The following MYO5B variants were observed in gnomAD, a reference collection of about 807,000 sequenced individuals.
MYO5B encodes the protein myosin VB.
In MYO5B, 143 loss-of-function variants were observed where a neutral mutation model predicts 229.3. The ratio of observed to expected loss-of-function variants is 0.62; its 90% CI spans 0.54 to 0.72. The LOEUF is 0.72. Ranked by LOEUF, MYO5B falls within the 30% of genes least tolerant of loss-of-function variation. The pLI is 0.00. For synonymous variants in MYO5B, 918 were observed against 885.2 expected, an observed-to-expected ratio of 1.04 and a Z score of -0.66; for missense variants, 2,321 against 2,331.0, an observed-to-expected ratio of 1.00 and a Z score of 0.09.
At chr18:50,080,457 AT>A (rs1465649819) in intron 1 of MYO5B, among the ~76,000 whole-genome samples, 1 of 152,150 alleles carries the variant, frequency 6.6e-6, no homozygotes, top group Admixed American at 6.5e-5. Flanking sequence ...CTCTTGACAT[AT>A]GTTATTCCAA....
At chr18:49,833,178 A>G (rs750856957) in intron 39 of MYO5B, among the ~76,000 whole-genome samples, 23 of 152,272 alleles carry the variant, frequency 1.5e-4, no homozygotes, top group Admixed American at 7.8e-4. Flanking sequence ...AAAGGCATGT[A>G]TACTTTTAAT....
intron 1 of MYO5B, chr18:50,063,752 C>T (rs1175394714): frequency 6.6e-6 from 1 of 152,220 alleles, no homozygotes. Flanking sequence ...AACCCAGTCT[C>T]TTCAGAAAAG....
intron 1 of MYO5B, among the ~76,000 whole-genome samples, chr18:50,139,200 T>C (rs1319280849): frequency 6.6e-6 from 1 of 152,214 alleles, no homozygotes; most frequent in African/African-American, 2.4e-5. Flanking sequence ...AGACCATTGG[T>C]TCCAAGATGT....
At chr18:50,023,283 A>G (rs2026296671) in intron 4 of MYO5B, among the ~76,000 whole-genome samples, 1 of 152,126 alleles carries the variant, frequency 6.6e-6, no homozygotes, top group Admixed American at 6.5e-5. Flanking sequence ...CTAAATGGAC[A>G]CTGCCACTTA....
intron 17 of MYO5B, among the ~76,000 whole-genome samples, chr18:49,916,336 C>T (rs975701586): frequency 4.6e-5 from 7 of 152,178 alleles, no homozygotes; most frequent in African/African-American, 1.7e-4. Context: ...AACAGGAGGA[C>T]AGAAGCCTGG....
chr18:50,044,364 G>C (rs2030160838), intron 2 of MYO5B, among the ~76,000 whole-genome samples: 1 of 152,158 alleles, frequency 6.6e-6, no homozygotes, highest in South Asian at 2.1e-4. Context: ...TTATGACTTA[G>C]TGATCGCAGC....
chr18:49,961,790 C>T (rs1383901257), intron 12 of MYO5B, among the ~76,000 whole-genome samples: 1 of 152,226 alleles, frequency 6.6e-6, no homozygotes, highest in African/African-American at 2.4e-5. Flanking sequence ...AGTCAGCACT[C>T]ACCCCATCCC....
chr18:49,937,383 A>G lies in MYO5B; in HGVS notation c.1767T>C (p.Ala589=). The stretch of plus-strand genomic sequence containing the variant: ...GGTCCTTGTCATCATGAAACAAGTC[A>G]GCCACTAGTGGGAACTAGAAACAAT... ...ILKASKFPLV[A]DLFHDDKDPV... The change falls in exon 15 of 40, where the codon GCT becomes GCC. Residue 589 remains alanine (A), a synonymous_variant. Coordinates refer to ENST00000285039, the MANE Select transcript of MYO5B (RefSeq NM_001080467.3). 2 of 1,614,128 alleles carry G rather than the reference A, an allele frequency of 1.2e-6. No homozygotes were observed. Among genetic ancestry groups the G allele is most frequent in the African/African-American group, 1.3e-5 (1 of 75,040 alleles).
chr18:50,006,626 T>G (rs1004059642), intron 4 of MYO5B, among the ~76,000 whole-genome samples: 4 of 152,134 alleles, frequency 2.6e-5, no homozygotes, highest in African/African-American at 9.7e-5. Context: ...AGGCAGGACT[T>G]AGCTTCTGCT....
At chr18:50,166,794 T>C (rs1205155431) in intron 1 of MYO5B, among the ~76,000 whole-genome samples, 1 of 152,090 alleles carries the variant, frequency 6.6e-6, no homozygotes, top group African/African-American at 2.4e-5. Context: ...CAATGCATGA[T>C]TGAGAAGAAG....
chr18:50,180,766 AC>A (rs2033062644), intron 1 of MYO5B, among the ~76,000 whole-genome samples: 1 of 152,200 alleles, frequency 6.6e-6, no homozygotes, highest in Non-Finnish European at 1.5e-5. Context: ...GTGGAAACAT[AC>A]ACTTATCTTT....
chr18:49,826,752 C>G, intron 39 of MYO5B, 129 bp from the exon 40 acceptor site: 1 of 1,134,494 alleles, frequency 8.8e-7, no homozygotes, highest in Non-Finnish European at 1.3e-6. Flanking sequence ...AACTTCAGGA[C>G]TAGGAGAATG....
At chr18:50,166,808 G>A (rs1466347301) in intron 1 of MYO5B, among the ~76,000 whole-genome samples, 1 of 152,008 alleles carries the variant, frequency 6.6e-6, no homozygotes, top group Non-Finnish European at 1.5e-5. Flanking sequence ...GAAGAAGGGG[G>A]AATTACAACT....
chr18:49,858,053 T>C (rs2024283639), intron 29 of MYO5B, among the ~76,000 whole-genome samples: 1 of 152,102 alleles, frequency 6.6e-6, no homozygotes, highest in Admixed American at 6.6e-5. Flanking sequence ...AAACCATCTG[T>C]AAACCAAAAA....
At chr18:49,917,421 C>G (rs1372667700) in intron 17 of MYO5B, among the ~76,000 whole-genome samples, 1 of 151,372 alleles carries the variant, frequency 6.6e-6, no homozygotes, top group Non-Finnish European at 1.5e-5. Context: ...TTATCCCCGA[C>G]CCCATTCACT....
At chr18:50,131,652 G>A (rs1181641630) in intron 1 of MYO5B, among the ~76,000 whole-genome samples, 1 of 152,156 alleles carries the variant, frequency 6.6e-6, no homozygotes, top group Non-Finnish European at 1.5e-5. Flanking sequence ...TGCATTAAAA[G>A]CATTTGTAGC....
At chr18:49,893,890 C>G (rs1237843565) in intron 22 of MYO5B, among the ~76,000 whole-genome samples, 1 of 152,240 alleles carries the variant, frequency 6.6e-6, no homozygotes, top group Non-Finnish European at 1.5e-5. Flanking sequence ...GAGAAGGACT[C>G]CCACGTAGGG....
chr18:49,970,248 T>C (rs1333302350), intron 10 of MYO5B, among the ~76,000 whole-genome samples: 1 of 152,198 alleles, frequency 6.6e-6, no homozygotes, highest in East Asian at 1.9e-4. Flanking sequence ...ACTTCACAGA[T>C]CCTTGGTTAA....
Position 49,835,332 on chromosome 18 carries a change from C to A in MYO5B, c.5394+12G>T. 2 of 1,596,264 alleles carry A rather than the reference C, an allele frequency of 1.3e-6. No homozygotes were observed. Among genetic ancestry groups the A allele is most frequent in the Non-Finnish European group, 1.7e-6 (2 of 1,165,468 alleles). On this transcript the variant is annotated intron_variant, in intron 39 of 39. Coordinates refer to ENST00000285039, the MANE Select transcript of MYO5B (RefSeq NM_001080467.3). ...AGACTGGACTTTATAAAATTACTATCTTAAAACTCACCTGGATTGTTCGTA... is the reference window on the plus strand; with the variant it reads ...AGACTGGACTTTATAAAATTACTATATTAAAACTCACCTGGATTGTTCGTA...
Sources: allele counts gnomAD v4.1 joint callset (sites outside exome capture counted in the v4.1 genomes callset), GRCh38; gene constraint gnomAD v4.1.1; transcripts MANE v1.5; gene names NCBI Gene and HGNC (gene_info 2026-07-23, HGNC 2026-07-21).